Variants in ENDOV observed in about 807,000 individuals in gnomAD.
ENDOV encodes the protein hEndoV.
In ENDOV, 37 loss-of-function variants were observed where a neutral mutation model predicts 39.4. The ratio of observed to expected loss-of-function variants is 0.94; its 90% confidence interval spans 0.72 to 1.23. The LOEUF (loss-of-function observed/expected upper bound fraction) is 1.23. Among genes scored for constraint, ENDOV ranks in the 50% most tolerant of loss-of-function variants. The pLI is 0.00. For synonymous variants in ENDOV, 186 were observed against 163.4 expected (o/e 1.14, Z -1.05); for missense variants, 441 against 375.7 (o/e 1.17, Z -1.44).
In ENDOV at chr17:80,436,546, G is replaced by T. The variant is rs8065843; in HGVS notation, c.*403G>T. 0.75 allele frequency: 271,808 copies of T among 361,512 alleles called. 102,687 individuals are homozygous for T. Among genetic ancestry groups the T allele is most frequent in the South Asian group, 0.82 (30,913 of 37,648 alleles). The allele number at this position is 361,512 out of a possible 1,614,324, so 22.4% of individuals were successfully genotyped here. A position where few individuals can be genotyped will look rare whatever the true frequency, so the allele number is the denominator to read the frequency against. Reference sequence around the variant, plus strand: ...TTGAAAAGATCCTGTGTTCTTCTGTGAATATGAGGTGTTACATTGATTGAT... The same window carrying T: ...TTGAAAAGATCCTGTGTTCTTCTGTTAATATGAGGTGTTACATTGATTGAT... On this transcript the variant is annotated 3_prime_UTR_variant, in exon 10 of 10. Coordinates refer to ENST00000518137, the MANE Select transcript of ENDOV (RefSeq NM_173627.5).
intron 5 of ENDOV, 57 bp downstream of exon 5, chr17:80,423,689 G>T: frequency 1.3e-6 from 2 of 1,504,100 alleles, no homozygotes; most frequent in Admixed American, 4.0e-5. Flanking sequence ...GGCTGTGGTG[G>T]CCCTGGGCAT....
In ENDOV at chr17:80,429,155, C is replaced by G. The variant is rs544107677; in HGVS notation, c.779+495C>G. 7.8e-4 allele frequency among the ~76,000 whole-genome samples: 119 copies of G among 152,346 alleles called. 1 individual carries two copies. Among genetic ancestry groups the G allele is most frequent in the African/African-American group, 2.6e-3 (109 of 41,574 alleles). On this transcript the variant is annotated intron_variant, in intron 8 of 9. Coordinates refer to ENST00000518137, the MANE Select transcript of ENDOV (RefSeq NM_173627.5). ...AGTTAGAGTGACAGTGTGCCTGGCA[C>G]AGTCACCGCTAACAGTGCAAGGCAT...
At chr17:80,428,267 G>A (rs2082969971) in intron 7 of ENDOV, among the ~76,000 whole-genome samples, 1 of 152,248 alleles carries the variant, frequency 6.6e-6, no homozygotes, top group East Asian at 1.9e-4. Context: ...GGAAACCAGT[G>A]AAGGCTGAGC....
At chr17:80,423,737 G>A in intron 5 of ENDOV, 105 bp downstream of exon 5, 3 of 1,051,508 alleles carry the variant, frequency 2.9e-6, no homozygotes, top group East Asian at 2.6e-5. Flanking sequence ...TGCTGACGCT[G>A]CCCTCCTCAT....
chr17:80,424,914 C>A, intron 5 of ENDOV, 118 bp from the exon 6 acceptor site: 1 of 801,006 alleles, frequency 1.2e-6, no homozygotes, highest in East Asian at 2.7e-5. Flanking sequence ...GAGATCGCGC[C>A]ACTGTACTTC....
At chr17:80,431,667 C>T (rs1047052431) in intron 9 of ENDOV, among the ~76,000 whole-genome samples, 4 of 152,216 alleles carry the variant, frequency 2.6e-5, no homozygotes, top group Non-Finnish European at 5.9e-5. Context: ...TGGCCTCACT[C>T]AGCCCTGGGC....
rs548627447 is a variant in ENDOV at position 80,428,295 on chromosome 17, G to A, written c.715-301G>A. The A allele has an allele frequency of 7.6e-4, 329 of 433,786 alleles. 2 individuals are homozygous for A. Among genetic ancestry groups the A allele is most frequent in the Non-Finnish European group, 1.6e-4 (37 of 237,312 alleles). 26.9% of individuals were successfully genotyped at this position (433,786 alleles called of 1,614,324 possible). A position where few individuals can be genotyped will look rare whatever the true frequency, so the allele number is the denominator to read the frequency against. On this transcript the variant is annotated intron_variant, in intron 7 of 9. Transcript: ENST00000518137. Reference sequence around the variant, plus strand: ...GGCTGAGCAGCTCCAACTGCCACTGGTGGGGAGGAGACCCAGGACCCCCTC... The same window carrying A: ...GGCTGAGCAGCTCCAACTGCCACTGATGGGGAGGAGACCCAGGACCCCCTC...
intron 2 of ENDOV, 148 bp from the exon 3 acceptor site, chr17:80,421,680 C>G: frequency 9.1e-7 from 1 of 1,095,988 alleles, no homozygotes; most frequent in South Asian, 1.5e-5. Flanking sequence ...CTTCCAAACC[C>G]ATCATCTCAT....
At chr17:80,433,284 G>A (rs560491397) in intron 9 of ENDOV, 3 of 511,572 alleles carry the variant, frequency 5.9e-6, no homozygotes, top group East Asian at 5.5e-5. Flanking sequence ...ACCAGGTGAA[G>A]TGTGTAAGGG....
chr17:80,423,262 C>T (rs1335229865), intron 4 of ENDOV, among the ~76,000 whole-genome samples: 1 of 152,234 alleles, frequency 6.6e-6, no homozygotes, highest in Admixed American at 6.5e-5. Context: ...TATCCCAGCA[C>T]GCCAGCGAGG....
intron 8 of ENDOV, among the ~76,000 whole-genome samples, chr17:80,429,337 G>A (rs542047719): frequency 1.3e-5 from 2 of 152,332 alleles, no homozygotes; most frequent in South Asian, 4.1e-4. Flanking sequence ...TCTCAGTGTG[G>A]GCAGTTTGGA....
Position 80,423,593 on chromosome 17 carries a change from G to A in ENDOV, c.477G>A (p.Gln159=). 1 of 1,556,296 alleles carries A rather than the reference G, an allele frequency of 6.4e-7. No individual in the cohort carries two copies. The highest frequency in any genetic ancestry group is 8.7e-7 in the Non-Finnish European group (1 of 1,150,492). The change falls in exon 5 of 10, where the codon CAG becomes CAA. Residue 159 remains glutamine, a synonymous_variant. Coordinates refer to ENST00000518137, the MANE Select transcript of ENDOV (RefSeq NM_173627.5). ...TTGGGGTGGCCAAGAAACTTCTGCA[G>A]GTGGATGGGCTGGAGAACAACGCCC... ...PCVGVAKKLL[Q]VDGLENNALH... is the part of the protein sequence containing the mutation.
chr17:80,415,435 C>T (rs951952012), intron 1 of ENDOV, 185 bp downstream of exon 1: 2 of 981,446 alleles, frequency 2.0e-6, no homozygotes, highest in South Asian at 1.7e-5. Flanking sequence ...GGGGTGGGCG[C>T]GGTTCTCGCT....
At position 80,436,368 on chromosome 17, in the gene ENDOV, T is replaced by G. The variant is rs2083596517; in HGVS notation, c.*225T>G. 1.4e-6 allele frequency: 2 copies of G among 1,478,108 alleles called. No homozygotes were observed. The highest frequency in any genetic ancestry group is 2.8e-5 in the African/African-American group (2 of 72,312). The allele number at this position is 1,478,108 out of a possible 1,614,324, so 91.6% of individuals were successfully genotyped here. Reference sequence around the variant, plus strand: ...TCTTGTTCCTGATCTTAAGGGAACGTTTGCAGTCTTTCACCACTAGATGTG... The same window carrying G: ...TCTTGTTCCTGATCTTAAGGGAACGGTTGCAGTCTTTCACCACTAGATGTG... On this transcript the variant is annotated 3_prime_UTR_variant, in exon 10 of 10. Coordinates refer to ENST00000518137, the MANE Select transcript of ENDOV (RefSeq NM_173627.5).
chr17:80,429,605 T>C (rs2083155701), intron 8 of ENDOV, among the ~76,000 whole-genome samples, 168 bp from the exon 9 acceptor site: 1 of 152,180 alleles, frequency 6.6e-6, no homozygotes, highest in Non-Finnish European at 1.5e-5. Context: ...CCCGCTTGAA[T>C]GCAAGCTGCG....
At position 80,425,057 on chromosome 17, in the gene ENDOV, A is replaced by G. The variant is rs1414667017; in HGVS notation, c.542A>G (p.Asp181Gly). Reference protein sequence around the residue: ...EKIRLLQTRGDSFPLLGDSGT... With the variant: ...EKIRLLQTRGGSFPLLGDSGT... ...ATCCGACTCCTGCAGACTCGAGGAG[A>G]CTCATTCCCTCTGCTGGGAGACTCT... The change falls in exon 6 of 10, where the codon GAC becomes GGC. Residue 181 changes from aspartate to glycine, a missense_variant. Physicochemically the swap from Asp to Gly is moderately conservative, Grantham distance 94. Coordinates refer to ENST00000518137, the MANE Select transcript of ENDOV (RefSeq NM_173627.5). 1 of 1,611,846 alleles carries G rather than the reference A, an allele frequency of 6.2e-7. No homozygotes were observed. Among genetic ancestry groups the G allele is most frequent in the Middle Eastern group, 1.6e-4 (1 of 6,062 alleles).
Position 80,415,208 on chromosome 17 carries a change from C to A in ENDOV, c.14C>A (p.Ala5Glu). The change falls in exon 1 of 10, where the codon GCG becomes GAG. Residue 5 changes from alanine to glutamate, a missense_variant. Physicochemically the swap from Ala to Glu is moderately radical, Grantham distance 107. Coordinates refer to ENST00000518137, the MANE Select transcript of ENDOV (RefSeq NM_173627.5). MALEAAGGPPEETLS... is the reference protein window; with the variant it reads MALEEAGGPPEETLS... ...CGGGACGAAGCCATGGCCCTGGAGG[C>A]GGCGGGAGGGCCGCCGGAGGAAACG... 6.2e-7 allele frequency: 1 copy of A among 1,613,242 alleles called. No individual in the cohort carries two copies. Among genetic ancestry groups the A allele is most frequent in the South Asian group, 1.1e-5 (1 of 91,062 alleles).
chr17:80,415,696 G>C lies in ENDOV; in HGVS notation c.103G>C (p.Ala35Pro), dbSNP rs1385424375. The C allele has an allele frequency of 1.2e-6, 2 of 1,611,890 alleles. No homozygotes were observed. The highest frequency in any genetic ancestry group is 1.7e-6 in the Non-Finnish European group (2 of 1,179,116). Residue 35 changes from alanine to proline, a missense_variant, in exon 2 of 10, where the codon GCG becomes CCG. By Grantham distance (27) the Ala-to-Pro change is conservative. Coordinates refer to ENST00000518137, the MANE Select transcript of ENDOV (RefSeq NM_173627.5). ...CCACGTCGTAGACCGGGACACCGAG[G>C]CGTGGCAGCGAGACCCCGCCTTCTC... ...KAHVVDRDTE[A>P]WQRDPAFSGL...
chr17:80,426,877 A>G (rs2082750283), intron 7 of ENDOV, among the ~76,000 whole-genome samples: 2 of 152,330 alleles, frequency 1.3e-5, no homozygotes, highest in Non-Finnish European at 1.5e-5. Context: ...AGGTCTGCAC[A>G]AGCCATGCTG....
Sources: gnomAD v4.1 joint callset for allele counts (sites outside exome capture counted in the v4.1 genomes callset) on GRCh38, gnomAD v4.1.1 for gene constraint, MANE v1.5 for transcripts, NCBI Gene and HGNC (gene_info 2026-07-23, HGNC 2026-07-21) for gene names.